Variants in NOL10 observed in about 807,000 individuals in gnomAD.
The protein encoded by NOL10 is H_NH0074G24.1.
In NOL10, 58 loss-of-function variants were observed where a neutral mutation model predicts 103.5. The observed-to-expected ratio is 0.56, with a 90% CI of 0.45 to 0.70. The LOEUF (loss-of-function observed/expected upper bound fraction) is 0.70, where lower values mean the gene tolerates loss of function less well. Ranked by LOEUF, NOL10 falls within the 30% of genes least tolerant of loss-of-function variation. NOL10 has a pLI of 0.00. For missense variants in NOL10, 763 were observed against 807.3 expected (o/e 0.95, Z 0.67); for synonymous variants, 287 against 282.5 (o/e 1.02, Z -0.16).
intron 13 of NOL10, among the ~76,000 whole-genome samples, chr2:10,625,768 A>G (rs1677421139): frequency 6.6e-6 from 1 of 152,218 alleles, no homozygotes; most frequent in South Asian, 2.1e-4. Context: ...TGGGAGCAAA[A>G]GGATGGGTAG....
At chr2:10,652,850 C>A (rs1045114939) in intron 12 of NOL10, among the ~76,000 whole-genome samples, 2 of 152,160 alleles carry the variant, frequency 1.3e-5, no homozygotes, top group Admixed American at 1.3e-4. Context: ...CACAAGTCTG[C>A]GGATCGGTTC....
intron 12 of NOL10, among the ~76,000 whole-genome samples, chr2:10,653,816 G>A (rs894334427): frequency 1.4e-5 from 2 of 145,320 alleles, no homozygotes; most frequent in African/African-American, 5.1e-5. Context: ...GGTGGTCACA[G>A]GGTAAAAGCT....
At chr2:10,616,611 C>T (rs962528325) in intron 13 of NOL10, among the ~76,000 whole-genome samples, 8 of 151,970 alleles carry the variant, frequency 5.3e-5, no homozygotes, top group South Asian at 2.1e-4. Flanking sequence ...TGCAGTGGTG[C>T]GATCTCAGCT....
intron 8 of NOL10, among the ~76,000 whole-genome samples, chr2:10,664,129 A>C (rs1295832792): frequency 2.0e-5 from 3 of 151,742 alleles, no homozygotes; most frequent in Non-Finnish European, 2.9e-5. Flanking sequence ...AAAAAAAAAA[A>C]AACCCAAAAA....
intron 16 of NOL10, 127 bp from the exon 17 acceptor site, chr2:10,601,069 T>C (rs1458347714): frequency 8.6e-6 from 5 of 582,178 alleles, no homozygotes; most frequent in Non-Finnish European, 1.1e-5. Flanking sequence ...TCTTATTTTA[T>C]TATTTTTTTT....
chr2:10,675,310 A>G (rs1297488186), intron 4 of NOL10, among the ~76,000 whole-genome samples: 2 of 152,324 alleles, frequency 1.3e-5, no homozygotes, highest in South Asian at 2.1e-4. Flanking sequence ...AAATGCATGC[A>G]GCCTCTAGAA....
At chr2:10,659,083 T>G (rs1306287870) in intron 10 of NOL10, 89 bp downstream of exon 10, 2 of 875,122 alleles carry the variant, frequency 2.3e-6, no homozygotes. Context: ...ATGATCTCAT[T>G]TTCTGTTCCT....
chr2:10,612,536 T>C (rs1490994871), intron 13 of NOL10, among the ~76,000 whole-genome samples: 1 of 152,204 alleles, frequency 6.6e-6, no homozygotes, highest in Admixed American at 6.5e-5. Flanking sequence ...ACAGTCTCCA[T>C]CCGTATCCCA....
Position 10,666,997 on chromosome 2 carries a change from A to G in NOL10, c.591+221T>C, listed in dbSNP as rs144520347. On this transcript the variant is annotated intron_variant, in intron 8 of 20. Coordinates refer to ENST00000381685, the MANE Select transcript of NOL10 (RefSeq NM_024894.4). ...GAAAAATGCAAATCTACAAAAAACT[A>G]TTGGTAAGTGTGAAGGACATTGATT... 4.5e-3 allele frequency among the ~76,000 whole-genome samples: 684 copies of G among 152,276 alleles called. 18 individuals are homozygous for G. Among genetic ancestry groups the G allele is most frequent in the Admixed American group, 0.039 (590 of 15,292 alleles).
Position 10,689,818 on chromosome 2 carries a change from C to G in NOL10, c.44G>C (p.Ser15Thr). 1 of 1,607,332 alleles carries G rather than the reference C, an allele frequency of 6.2e-7. No individual in the cohort carries two copies. Among genetic ancestry groups the G allele is most frequent in the Non-Finnish European group, 8.5e-7 (1 of 1,177,106 alleles). ...CACCTCAGGAAGGGACTTGCCGCAG[C>G]TGAGGCTGTAAATCTTCACCTCATT... ...SLNEVKIYSLSCGKSLPEWLS... is the reference protein window; with the variant it reads ...SLNEVKIYSLTCGKSLPEWLS... Residue 15 changes from serine (S) to threonine (T), a missense_variant, in exon 1 of 21, where the codon AGC becomes ACC. Physicochemically the swap from Ser to Thr is moderately conservative, Grantham distance 58 (BLOSUM62 1). Coordinates refer to ENST00000381685, the MANE Select transcript of NOL10 (RefSeq NM_024894.4).
At chr2:10,579,072 G>A (rs1028887476) in intron 19 of NOL10, among the ~76,000 whole-genome samples, 3 of 152,174 alleles carry the variant, frequency 2.0e-5, no homozygotes, top group Non-Finnish European at 2.9e-5. Context: ...TGATCCTTAA[G>A]ACAAAGTGAT....
In NOL10 at chr2:10,589,202, C is replaced by G; in HGVS notation, c.1685G>C (p.Arg562Thr). The G allele has an allele frequency of 6.2e-7, 1 of 1,613,990 alleles. No individual in the cohort carries two copies. Among genetic ancestry groups the G allele is most frequent in the Non-Finnish European group, 8.5e-7 (1 of 1,179,890 alleles). ...DDEKAWVEEV[R>T]KQRRLLQQEE... ...CTGCTGGAGGAGTCTGCGTTGCTTC[C>G]TGACCTCTTCAACCCAGGCTTTTTC... Residue 562 changes from arginine (R) to threonine (T), a missense_variant, in exon 19 of 21, where the codon AGG (arginine) becomes ACG (threonine). Transcript: ENST00000381685.
chr2:10,687,351 G>A (rs958582660), intron 1 of NOL10, among the ~76,000 whole-genome samples: 2 of 152,050 alleles, frequency 1.3e-5, no homozygotes, highest in African/African-American at 4.8e-5. Context: ...GCTGACACAG[G>A]TGACCACCAC....
chr2:10,589,422 C>T, intron 18 of NOL10, 132 bp from the exon 19 acceptor site: 3 of 1,321,726 alleles, frequency 2.3e-6, no homozygotes, highest in Non-Finnish European at 3.1e-6. Flanking sequence ...GGAGAAATGC[C>T]TTTAAATAAA....
chr2:10,579,010 T>C (rs1326860433), intron 19 of NOL10, among the ~76,000 whole-genome samples: 1 of 152,200 alleles, frequency 6.6e-6, no homozygotes, highest in Non-Finnish European at 1.5e-5. Flanking sequence ...AGAGTCTTTT[T>C]TTCCCTGAAA....
intron 13 of NOL10, among the ~76,000 whole-genome samples, chr2:10,635,326 C>T (rs556133599): frequency 6.6e-6 from 1 of 152,296 alleles, no homozygotes; most frequent in Admixed American, 6.5e-5. Flanking sequence ...CCTCTACGTT[C>T]TCTATCGGCC....
chr2:10,590,909 C>T (rs963564421), intron 17 of NOL10: 2 of 152,176 alleles, frequency 1.3e-5, no homozygotes, highest in African/African-American at 4.8e-5. Flanking sequence ...GTAAACAGCC[C>T]TGAACACTGC....
intron 17 of NOL10, chr2:10,590,968 C>T (rs556693055): frequency 2.0e-5 from 3 of 152,312 alleles, no homozygotes; most frequent in Admixed American, 1.3e-4. Flanking sequence ...GCTGAACAGA[C>T]TACTTTACTA....
chr2:10,595,584 TTTTGTTTTGTTTTGTTTTTG>T (rs1367613792), intron 17 of NOL10, among the ~76,000 whole-genome samples: 4 of 80,136 alleles, frequency 5.0e-5, no homozygotes, highest in African/African-American at 1.7e-4. Context: ...AGAAATGTTT[TTTTGTTTTGTTTTGTTTTTG>T]TTTGTTTGTT....
Sources: allele counts gnomAD v4.1 joint callset (sites outside exome capture counted in the v4.1 genomes callset), GRCh38; gene constraint gnomAD v4.1.1; transcripts MANE v1.5; gene names NCBI Gene and HGNC (gene_info 2026-07-23, HGNC 2026-07-21).